GALNT17: variants seen among roughly 807,000 people sequenced by gnomAD.
The protein encoded by GALNT17 is UDP-GalNAc:polypeptide N-acetylgalactosaminyltransferase-like 3.
GALNT17 carries 29 observed loss-of-function variants against 63.7 expected under a neutral mutation model. The ratio of observed to expected loss-of-function variants is 0.46; its 90% CI spans 0.34 to 0.62. The LOEUF is 0.62. Ranked by LOEUF, GALNT17 falls within the 20% of genes least tolerant of loss-of-function variation. The pLI, the probability that GALNT17 is intolerant of heterozygous loss-of-function variation, is 0.01. For missense variants in GALNT17, 603 were observed against 799.6 expected (o/e 0.75, Z 2.97); for synonymous variants, 305 against 318.3 (o/e 0.96, Z 0.45).
intron 5 of GALNT17, among the ~76,000 whole-genome samples, chr7:71,523,344 G>A (rs1224191135): frequency 6.6e-6 from 1 of 152,148 alleles, no homozygotes; most frequent in African/African-American, 2.4e-5. Flanking sequence ...TGGGAGAATT[G>A]CTTGAGCCCA....
chr7:71,628,810 TA>T (rs1054517582), intron 6 of GALNT17, among the ~76,000 whole-genome samples: 38 of 152,082 alleles, frequency 2.5e-4, no homozygotes, highest in African/African-American at 8.4e-4. Context: ...CAAACGCCTG[TA>T]ATCCCAGCTA....
intron 6 of GALNT17, among the ~76,000 whole-genome samples, chr7:71,584,434 GT>G (rs1554312347): frequency 6.6e-6 from 1 of 152,016 alleles, no homozygotes; most frequent in Admixed American, 6.6e-5. Flanking sequence ...ACATTTTGCT[GT>G]TTTTTTCAGT....
At chr7:71,186,942 A>G (rs969042498) in intron 1 of GALNT17, among the ~76,000 whole-genome samples, 9 of 152,146 alleles carry the variant, frequency 5.9e-5, no homozygotes, top group Non-Finnish European at 1.0e-4. Context: ...CAAGGTAAAC[A>G]TTCAAGTAGA....
rs774534119 is a variant in GALNT17, at chr7:71,384,131, TG to T, written c.423-4103del. Among the ~76,000 whole-genome samples the T allele has an allele frequency of 8.3e-4, 127 of 152,350 alleles. 3 individuals carry two copies. The East Asian group carries it at 0.022, about 26-fold the overall frequency. On this transcript the variant is annotated intron_variant, in intron 2 of 10. Coordinates refer to ENST00000333538, the MANE Select transcript of GALNT17 (RefSeq NM_022479.3). ...TTCAGGTTTTTGTTTTGTTTTGTTTTGTTTTTTTGTTTTTTGTTTTAACAGT... is the reference window on the plus strand; with the variant it reads ...TTCAGGTTTTTGTTTTGTTTTGTTTTTTTTTTTGTTTTTTGTTTTAACAGT...
At chr7:71,273,365 T>C (rs1017154143) in intron 1 of GALNT17, among the ~76,000 whole-genome samples, 4 of 152,362 alleles carry the variant, frequency 2.6e-5, no homozygotes, top group Admixed American at 2.6e-4. Context: ...ACTATTTGTT[T>C]CACTGCTCAA....
intron 1 of GALNT17, among the ~76,000 whole-genome samples, chr7:71,147,231 T>C (rs969265819): frequency 6.6e-6 from 1 of 152,144 alleles, no homozygotes; most frequent in Non-Finnish European, 1.5e-5. Flanking sequence ...AGTATTAACT[T>C]ACACAATCAC....
chr7:71,429,382 T>A (rs2116481611), intron 5 of GALNT17, among the ~76,000 whole-genome samples: 1 of 152,290 alleles, frequency 6.6e-6, no homozygotes, highest in Admixed American at 6.5e-5. Flanking sequence ...GAGAAAATCA[T>A]TTGTTAAGAG....
At chr7:71,180,058 A>G (rs1788708479) in intron 1 of GALNT17, among the ~76,000 whole-genome samples, 1 of 152,218 alleles carries the variant, frequency 6.6e-6, no homozygotes, top group Non-Finnish European at 1.5e-5. Flanking sequence ...AAAGCATACA[A>G]TTTGTTGTTT....
chr7:71,560,396 C>A (rs1789236684), intron 5 of GALNT17, among the ~76,000 whole-genome samples: 1 of 152,020 alleles, frequency 6.6e-6, no homozygotes, highest in Non-Finnish European at 1.5e-5. Context: ...TGGGGAGTAA[C>A]AAGCAACTCC....
chr7:71,642,812 G>A (rs1457514570), intron 6 of GALNT17, among the ~76,000 whole-genome samples: 2 of 151,424 alleles, frequency 1.3e-5, no homozygotes, highest in African/African-American at 4.9e-5. Context: ...TCCAGCCTGG[G>A]CAATGGAGTG....
chr7:71,496,729 A>T (rs1415039788), intron 5 of GALNT17, among the ~76,000 whole-genome samples: 1 of 151,912 alleles, frequency 6.6e-6, no homozygotes, highest in Non-Finnish European at 1.5e-5. Flanking sequence ...CAGTGTTCTC[A>T]ATTGAACCGG....
chr7:71,599,959 C>A (rs1332458420), intron 6 of GALNT17, among the ~76,000 whole-genome samples: 1 of 151,666 alleles, frequency 6.6e-6, no homozygotes, highest in African/African-American at 2.4e-5. Flanking sequence ...ACAGCCATGC[C>A]TCACCCCCCA....
intron 6 of GALNT17, among the ~76,000 whole-genome samples, chr7:71,633,217 G>C (rs1562717283): frequency 6.6e-6 from 1 of 151,802 alleles, no homozygotes; most frequent in Non-Finnish European, 1.5e-5. Flanking sequence ...AGAAAACATA[G>C]TCCCTGCCAT....
chr7:71,233,687 G>A (rs974968811), intron 1 of GALNT17, among the ~76,000 whole-genome samples: 1 of 152,020 alleles, frequency 6.6e-6, no homozygotes, highest in Non-Finnish European at 1.5e-5. Context: ...TGATGGTAGG[G>A]GTGGCCTTGC....
intron 3 of GALNT17, 148 bp downstream of exon 3, chr7:71,388,549 T>G (rs1307242284): frequency 1.9e-6 from 2 of 1,032,156 alleles, no homozygotes; most frequent in Non-Finnish European, 2.7e-6. Flanking sequence ...TTTTTTGAGA[T>G]GGAGTCTTGC....
intron 1 of GALNT17, among the ~76,000 whole-genome samples, chr7:71,276,962 C>A (rs931775217): frequency 2.0e-5 from 3 of 152,144 alleles, no homozygotes; most frequent in South Asian, 2.1e-4. Context: ...TGTGCCACTG[C>A]ACCCCAGCCT....
At chr7:71,654,652 G>C (rs976477560) in intron 6 of GALNT17, among the ~76,000 whole-genome samples, 3 of 150,350 alleles carry the variant, frequency 2.0e-5, no homozygotes, top group African/African-American at 7.3e-5. Context: ...TTAATTTCTT[G>C]TTGTTTCACT....
intron 1 of GALNT17, among the ~76,000 whole-genome samples, chr7:71,331,274 T>A (rs1791802847): frequency 6.6e-6 from 1 of 152,154 alleles, no homozygotes. Context: ...CTCCATTCCT[T>A]TTGATCACTG....
At chr7:71,212,692 AGT>A (rs891152715) in intron 1 of GALNT17, among the ~76,000 whole-genome samples, 1 of 152,178 alleles carries the variant, frequency 6.6e-6, no homozygotes, top group African/African-American at 2.4e-5. Flanking sequence ...TCTTGGCATC[AGT>A]GTGACCTGGA....
Sources: gnomAD v4.1 joint callset for allele counts (sites outside exome capture counted in the v4.1 genomes callset) on GRCh38, gnomAD v4.1.1 for gene constraint, MANE v1.5 for transcripts, NCBI Gene and HGNC (gene_info 2026-07-23, HGNC 2026-07-21) for gene names.